The following HYAL1 variants were observed in gnomAD, a reference collection of about 807,000 sequenced individuals.
HYAL1 encodes hyaluronidase 1, also known as hyaluronidase-1.
A neutral mutation model predicts 28.8 loss-of-function variants in HYAL1; 21 were observed. That is an observed-to-expected ratio of 0.73 (90% CI 0.52 to 1.05). The LOEUF (loss-of-function observed/expected upper bound fraction) is 1.05, where lower values mean the gene tolerates loss of function less well. Among genes scored for constraint, HYAL1 ranks in the 50% least tolerant of loss-of-function variants. HYAL1 has a pLI of 0.00. For synonymous variants in HYAL1, 200 were observed against 230.1 expected, an observed-to-expected ratio of 0.87 and a Z score of 1.18; for missense variants, 491 against 579.2, an observed-to-expected ratio of 0.85 and a Z score of 1.56.
chr3:50,300,358 G>T lies in HYAL1; in HGVS notation c.*125C>A. 1.1e-6 allele frequency: 1 copy of T among 933,144 alleles called. No individual in the cohort carries two copies. The highest frequency in any genetic ancestry group is 1.7e-6 in the Non-Finnish European group (1 of 577,558). 57.8% of individuals were successfully genotyped at this position (933,144 alleles called of 1,614,324 possible). A position where few individuals can be genotyped will look rare whatever the true frequency, so the allele number is the denominator to read the frequency against. The stretch of plus-strand genomic sequence containing the variant: ...ATGTGTGTGCAGGGAATATGCCTGT[G>T]ACAGTGGCTGAGTGTACTCTTTACT... On this transcript the variant is annotated 3_prime_UTR_variant, in exon 4 of 4. Transcript: ENST00000395144.
chr3:50,309,012 A>T (rs755312507), intron 2 of HYAL1, among the ~76,000 whole-genome samples: 9 of 151,018 alleles, frequency 6.0e-5, no homozygotes, highest in Non-Finnish European at 8.8e-5. Flanking sequence ...TACAGGCGTG[A>T]GCCACCGTGC....
chr3:50,302,505 G>A lies in HYAL1; in HGVS notation c.452C>T (p.Ser151Leu). Reference sequence around the variant, plus strand: ...GTGCTGTGCCTGTACCAGTGCCCGTGAGCGCTGCCGGTAAATGTCCTTGGT... The same window carrying A: ...GTGCTGTGCCTGTACCAGTGCCCGTAAGCGCTGCCGGTAAATGTCCTTGGT... ...WDTKDIYRQRSRALVQAQHPD... is the reference protein window; with the variant it reads ...WDTKDIYRQRLRALVQAQHPD... Residue 151 changes from serine to leucine, a missense_variant, in exon 2 of 4, where the codon TCA (serine) becomes TTA (leucine). Physicochemically the swap from Ser to Leu is moderately radical, Grantham distance 145. Coordinates refer to ENST00000395144, the MANE Select transcript of HYAL1 (RefSeq NM_033159.4). This position sits in a 1 kb window ranked among gnomAD's most constrained non-coding sequence, Gnocchi z 5.0. The A allele has an allele frequency of 6.2e-7, 1 of 1,614,192 alleles. No homozygotes were observed. The highest frequency in any genetic ancestry group is 8.5e-7 in the Non-Finnish European group (1 of 1,180,034).
At chr3:50,311,873 G>T (rs1553714898) in intron 1 of HYAL1, among the ~76,000 whole-genome samples, 1 of 150,052 alleles carries the variant, frequency 6.7e-6, no homozygotes, top group East Asian at 2.0e-4. Context: ...CTCCCGGACG[G>T]GGCGGCTGGC....
rs587593828 is a variant in HYAL1 at position 50,308,703 on chromosome 3, G to A, written c.-191+956C>T. 2.5e-3 allele frequency among the ~76,000 whole-genome samples: 360 copies of A among 146,240 alleles called. 9 individuals are homozygous for A. The highest frequency in any genetic ancestry group is 9.0e-3 in the African/African-American group (344 of 38,386). ...GCCCACCTTGGCCTCCCAAAGTGCT[G>A]GGATTACAGGCATGAGCCACCGTGC... On this transcript the variant is annotated intron_variant, in intron 2 of 5. Transcript: ENST00000320295.
At chr3:50,301,718 C>T (rs1448387647) in intron 2 of HYAL1, among the ~76,000 whole-genome samples, 3 of 151,720 alleles carry the variant, frequency 2.0e-5, no homozygotes, top group East Asian at 3.9e-4. Context: ...TTTGGGAGGC[C>T]GAGGCGGATG....
chr3:50,306,519 A>T (rs1485930034), upstream of HYAL1, among the ~76,000 whole-genome samples: 6 of 151,060 alleles, frequency 4.0e-5, no homozygotes, highest in African/African-American at 1.5e-4. Context: ...AGCACTCAGA[A>T]ATCATATACT....
At chr3:50,311,202 C>A (rs1209082363) in intron 1 of HYAL1, among the ~76,000 whole-genome samples, 4 of 148,896 alleles carry the variant, frequency 2.7e-5, no homozygotes, top group Non-Finnish European at 4.5e-5. Context: ...CCTCACCTCC[C>A]GGACGGGGTG....
In HYAL1 at chr3:50,312,273, A is replaced by G. The variant is rs1429084988; in HGVS notation, c.-319T>C. On this transcript the variant is annotated 5_prime_UTR_variant, in exon 1 of 6. Transcript: ENST00000320295. Reference sequence around the variant, plus strand: ...CGGAGGGGCTCCTCACTTCTCAGACAGGGCGGCTGCTGGGCGGAGGGGCTC... The same window carrying G: ...CGGAGGGGCTCCTCACTTCTCAGACGGGGCGGCTGCTGGGCGGAGGGGCTC... 823 of 176,840 alleles carry G rather than the reference A, an allele frequency of 4.7e-3. 8 individuals are homozygous for G. The highest frequency in any genetic ancestry group is 0.02 in the African/African-American group (769 of 38,434). 11.0% of individuals were successfully genotyped at this position (176,840 alleles called of 1,614,324 possible). A position where few individuals can be genotyped will look rare whatever the true frequency, so the allele number is the denominator to read the frequency against.
At chr3:50,304,289 AAAAAAAAATATATATATATATATAT>A (rs1285755327), upstream of HYAL1, among the ~76,000 whole-genome samples, 2 of 61,938 alleles carry the variant, frequency 3.2e-5, no homozygotes, top group East Asian at 5.1e-4. Context: ...AAAAAAAAAA[AAAAAAAAATATATATATATATATAT>A]ATATATATAT....
intron 3 of HYAL1, 83 bp downstream of exon 3, chr3:50,300,905 A>C: frequency 6.6e-7 from 1 of 1,522,064 alleles, no homozygotes; most frequent in Non-Finnish European, 9.0e-7. Context: ...TTGCAGGTAG[A>C]AAGGGTAAGT....
chr3:50,311,856 C>A (rs1177643334), intron 1 of HYAL1, among the ~76,000 whole-genome samples: 11 of 144,166 alleles, frequency 7.6e-5, no homozygotes, highest in African/African-American at 1.0e-4. Context: ...CTGACCCCCC[C>A]ACCTCCCTCC....
rs587595542 is a variant in HYAL1, at chr3:50,303,230, G to A, written c.-25+236C>T. ...ACAGGACTTGCTCTAGCCTAAGCTCGCCCACCCCTGCTTCCCCATGAGCCA... is the reference window on the plus strand; with the variant it reads ...ACAGGACTTGCTCTAGCCTAAGCTCACCCACCCCTGCTTCCCCATGAGCCA... On this transcript the variant is annotated intron_variant, in intron 1 of 3. Transcript: ENST00000395144. 34 of 375,002 alleles carry A rather than the reference G, an allele frequency of 9.1e-5. No individual in the cohort carries two copies. In the Admixed American group the frequency reaches 9.2e-4, roughly 10 times the overall value. The allele number at this position is 375,002 out of a possible 1,614,324, so 23.2% of individuals were successfully genotyped here.
At chr3:50,305,158 T>C (rs1702309979), upstream of HYAL1, among the ~76,000 whole-genome samples, 1 of 152,224 alleles carries the variant, frequency 6.6e-6, no homozygotes, top group South Asian at 2.1e-4. Flanking sequence ...GTCTGTCACC[T>C]GCCTGTGACC....
At chr3:50,306,596 A>T (rs188279760), upstream of HYAL1, among the ~76,000 whole-genome samples, 909 of 151,238 alleles carry the variant, frequency 6.0e-3, 42 homozygotes, top group African/African-American at 0.021. Context: ...GATTAAAAAA[A>T]TTTTTTTTGG....
At chr3:50,304,819 G>C (rs1037074709), upstream of HYAL1, among the ~76,000 whole-genome samples, 4 of 152,126 alleles carry the variant, frequency 2.6e-5, no homozygotes, top group Non-Finnish European at 4.4e-5. Context: ...ACAAATTCCA[G>C]TGGCAAGTAG....
upstream of HYAL1, among the ~76,000 whole-genome samples, chr3:50,307,680 G>GAAA (rs1160592800): frequency 4.0e-5 from 1 of 24,974 alleles, no homozygotes; most frequent in Non-Finnish European, 7.3e-5. Flanking sequence ...GACTCCATCT[G>GAAA]AAAAAAAAAA....
chr3:50,305,880 G>A (rs1702326845), upstream of HYAL1, among the ~76,000 whole-genome samples: 1 of 151,354 alleles, frequency 6.6e-6, no homozygotes, highest in African/African-American at 2.5e-5. Flanking sequence ...TCCCTAAAAT[G>A]TATAAAACCA....
intron 2 of HYAL1, 90 bp from the exon 3 acceptor site, chr3:50,301,167 A>T: frequency 1.2e-6 from 1 of 850,750 alleles, no homozygotes; most frequent in Non-Finnish European, 1.9e-6. Flanking sequence ...AATAATTCAT[A>T]ACCTTCACCT....
At position 50,302,842 on chromosome 3, in the gene HYAL1, T is replaced by C; in HGVS notation, c.115A>G (p.Asn39Asp). 2 of 1,614,030 alleles carry C rather than the reference T, an allele frequency of 1.2e-6. No individual in the cohort carries two copies. The highest frequency in any genetic ancestry group is 1.7e-6 in the Non-Finnish European group (2 of 1,180,014). ...TGCCTCTCCAGGCACCACTGGGTGT[T>C]TGCATTCCAGACGGTGGTGAAGGGC... is the stretch of plus-strand genomic sequence containing the variant. ...NRPFTTVWNA[N>D]TQWCLERHGV... The change falls in exon 2 of 4, where the codon AAC (asparagine) becomes GAC (aspartate). Residue 39 changes from asparagine to aspartate, a missense_variant. By Grantham distance (23) the Asn-to-Asp change is conservative. Coordinates refer to ENST00000395144, the MANE Select transcript of HYAL1 (RefSeq NM_033159.4). The surrounding 1 kb of genome is among the most constrained non-coding windows in gnomAD (Gnocchi z 5.0).
Sources: allele counts gnomAD v4.1 joint callset (sites outside exome capture counted in the v4.1 genomes callset), GRCh38; gene constraint gnomAD v4.1.1; non-coding constraint Gnocchi (gnomAD v3.1); transcripts MANE v1.5; gene names NCBI Gene and HGNC (gene_info 2026-07-23, HGNC 2026-07-21).